SPPL3: variants seen among roughly 807,000 people sequenced by gnomAD.
The protein encoded by SPPL3 is signal peptide peptidase-like 3.
A neutral mutation model predicts 42.4 loss-of-function variants in SPPL3; 5 were observed. The ratio of observed to expected loss-of-function variants is 0.12; its 90% CI spans 0.06 to 0.25. The LOEUF (loss-of-function observed/expected upper bound fraction) is 0.25. Among genes scored for constraint, SPPL3 ranks in the 10% least tolerant of loss-of-function variants. SPPL3 has a pLI of 1.00. For synonymous variants in SPPL3, 195 were observed against 181.8 expected, an observed-to-expected ratio of 1.07 and a Z score of -0.58; for missense variants, 235 against 489.0, an observed-to-expected ratio of 0.48 and a Z score of 4.90.
chr12:120,868,022 C>A (rs1448437581), intron 1 of SPPL3, among the ~76,000 whole-genome samples: 1 of 152,210 alleles, frequency 6.6e-6, no homozygotes, highest in Non-Finnish European at 1.5e-5. Context: ...GCTGGGATTA[C>A]AGGCATGGGC....
chr12:120,871,130 C>CAAAAAAAAAAAAAAAAAAAAAA lies in SPPL3; in HGVS notation c.23+32714_23+32715insTTTTTTTTTTTTTTTTTTTTTT, dbSNP rs71453512. Among the ~76,000 whole-genome samples, 176 of 51,690 alleles carry CAAAAAAAAAAAAAAAAAAAAAA rather than the reference C, an allele frequency of 3.4e-3. 13 individuals carry two copies. Among genetic ancestry groups the CAAAAAAAAAAAAAAAAAAAAAA allele is most frequent in the Non-Finnish European group, 5.6e-3 (155 of 27,556 alleles). 33.9% of individuals were successfully genotyped at this position (51,690 alleles called of 152,430 possible). On this transcript the variant is annotated intron_variant, in intron 1 of 10. Transcript: ENST00000353487. ...GGGCGACAGAGTGAGACTCCGTCTC[C>CAAAAAAAAAAAAAAAAAAAAAA]AAAAAAAAAAAAAAAAAAAGAAAAA...
In SPPL3 at chr12:120,861,085, A is replaced by G. The variant is rs182645045; in HGVS notation, c.23+42760T>C. The stretch of plus-strand genomic sequence containing the variant: ...ACGCTATATAAATACCTGTTTTACC[A>G]TATTGTTTTCATTTGTATTACTTTT... On this transcript the variant is annotated intron_variant, in intron 1 of 10. Coordinates refer to ENST00000353487, the MANE Select transcript of SPPL3 (RefSeq NM_139015.5). 1.5e-3 allele frequency among the ~76,000 whole-genome samples: 231 copies of G among 152,302 alleles called. 1 individual carries two copies. Among genetic ancestry groups the G allele is most frequent in the African/African-American group, 5.3e-3 (222 of 41,562 alleles).
chr12:120,884,805 T>TTG (rs747270730), intron 1 of SPPL3, among the ~76,000 whole-genome samples: 37 of 76,710 alleles, frequency 4.8e-4, no homozygotes, highest in African/African-American at 1.2e-3. Flanking sequence ...GTTTTTTTTT[T>TTG]GGGTTTTTTT....
chr12:120,843,509 T>A lies in SPPL3; in HGVS notation c.24-32623A>T, dbSNP rs147486464. ...GCTTTTGGTTTCTCCAACATCACCA[T>A]CTACTGGTTTCCTCCCACCTCACTG... On this transcript the variant is annotated intron_variant, in intron 1 of 10. Coordinates refer to ENST00000353487, the MANE Select transcript of SPPL3 (RefSeq NM_139015.5). 1.7e-3 allele frequency among the ~76,000 whole-genome samples: 264 copies of A among 152,322 alleles called. 1 individual carries two copies. Among genetic ancestry groups the A allele is most frequent in the African/African-American group, 6.1e-3 (253 of 41,582 alleles).
chr12:120,869,225 T>C (rs1420891385), intron 1 of SPPL3, among the ~76,000 whole-genome samples: 2 of 152,344 alleles, frequency 1.3e-5, no homozygotes, highest in Non-Finnish European at 2.9e-5. Flanking sequence ...TGTCGAATGG[T>C]GACTACGATA....
chr12:120,768,270 G>A (rs780910020), intron 8 of SPPL3, 55 bp downstream of exon 8: 53 of 1,559,034 alleles, frequency 3.4e-5, no homozygotes, highest in Middle Eastern at 1.9e-4. Flanking sequence ...GATCAAGGCC[G>A]GGAACAGATA....
chr12:120,880,787 G>A (rs1873254684), intron 1 of SPPL3, among the ~76,000 whole-genome samples: 1 of 151,296 alleles, frequency 6.6e-6, no homozygotes, highest in African/African-American at 2.4e-5. Context: ...ACTCCGTCTC[G>A]GGGGAAAAAA....
chr12:120,865,489 T>C (rs1435129496), intron 1 of SPPL3, among the ~76,000 whole-genome samples: 1 of 152,242 alleles, frequency 6.6e-6, no homozygotes, highest in Non-Finnish European at 1.5e-5. Context: ...TATCTATCTA[T>C]GAAAGCTGTG....
intron 6 of SPPL3, among the ~76,000 whole-genome samples, chr12:120,775,698 C>G (rs1256487623): frequency 1.3e-5 from 2 of 152,184 alleles, no homozygotes; most frequent in African/African-American, 2.4e-5. Flanking sequence ...AGGTCCAACT[C>G]TTTCAAGTCT....
At chr12:120,901,861 G>A (rs1048637873) in intron 1 of SPPL3, 2 of 983,218 alleles carry the variant, frequency 2.0e-6, no homozygotes, top group Non-Finnish European at 2.4e-6. Context: ...GAGAGAGGTC[G>A]TGTGTGTCCA....
intron 1 of SPPL3, among the ~76,000 whole-genome samples, chr12:120,840,261 G>C (rs1214165487): frequency 1.8e-5 from 2 of 108,686 alleles, no homozygotes; most frequent in African/African-American, 7.1e-5. Flanking sequence ...CTGAGCGACA[G>C]AGTGAGACTC....
At chr12:120,786,540 A>G (rs553798817) in intron 3 of SPPL3, among the ~76,000 whole-genome samples, 1 of 152,360 alleles carries the variant, frequency 6.6e-6, no homozygotes, top group South Asian at 2.1e-4. Context: ...GGTGAGGTAT[A>G]TAAGAGATGC....
chr12:120,773,284 G>A (rs181331685), intron 6 of SPPL3, among the ~76,000 whole-genome samples: 2 of 152,344 alleles, frequency 1.3e-5, no homozygotes, highest in African/African-American at 4.8e-5. Context: ...CATCTGGCTG[G>A]AGGAACAACA....
At chr12:120,884,101 C>CAA (rs33918080) in intron 1 of SPPL3, among the ~76,000 whole-genome samples, 2 of 124,086 alleles carry the variant, frequency 1.6e-5, no homozygotes, top group Admixed American at 8.1e-5. Context: ...AACTATGTCT[C>CAA]AAAAAAAAAA....
At chr12:120,786,762 G>A (rs1456421884) in intron 3 of SPPL3, among the ~76,000 whole-genome samples, 1 of 151,978 alleles carries the variant, frequency 6.6e-6, no homozygotes, top group African/African-American at 2.4e-5. Flanking sequence ...CATGACTTCA[G>A]TACTCCATTT....
chr12:120,833,750 AGTT>A (rs1171221259), intron 1 of SPPL3, among the ~76,000 whole-genome samples: 2 of 141,644 alleles, frequency 1.4e-5, no homozygotes, highest in South Asian at 2.4e-4. Context: ...GAGAAAAAAG[AGTT>A]GTTGAGTTTT....
intron 1 of SPPL3, among the ~76,000 whole-genome samples, chr12:120,843,023 A>G (rs1044253242): frequency 2.6e-5 from 4 of 152,186 alleles, no homozygotes; most frequent in Admixed American, 1.3e-4. Context: ...GTATTAAATT[A>G]CAGCCTCAAA....
Position 120,764,720 on chromosome 12 carries a change from T to C in SPPL3, c.*279A>G. The C allele has an allele frequency of 2.3e-6, 1 of 430,892 alleles. No individual in the cohort carries two copies. Among genetic ancestry groups the C allele is most frequent in the East Asian group, 3.4e-5 (1 of 29,330 alleles). 26.7% of individuals were successfully genotyped at this position (430,892 alleles called of 1,614,324 possible). On this transcript the variant is annotated 3_prime_UTR_variant, in exon 11 of 11. Coordinates refer to ENST00000353487, the MANE Select transcript of SPPL3 (RefSeq NM_139015.5). ...TCTCCCCCAGAAGGTAACAGTCTGG[T>C]GCAGATCCATAAAAACGTGGGAGGA...
intron 1 of SPPL3, among the ~76,000 whole-genome samples, chr12:120,879,907 T>G (rs1294750670): frequency 6.6e-6 from 1 of 152,022 alleles, no homozygotes; most frequent in African/African-American, 2.4e-5. Flanking sequence ...TTCAATAAAG[T>G]TGCAATCTGC....
Sources: gnomAD v4.1 joint callset for allele counts (sites outside exome capture counted in the v4.1 genomes callset) on GRCh38, gnomAD v4.1.1 for gene constraint, MANE v1.5 for transcripts, NCBI Gene and HGNC (gene_info 2026-07-23, HGNC 2026-07-21) for gene names.